MEGF11: variants seen among roughly 807,000 people sequenced by gnomAD.
The protein encoded by MEGF11 is multiple epidermal growth factor-like domains protein 11.
Under a neutral mutation model 146.6 loss-of-function variants are expected in MEGF11, and 126 were observed. The ratio of observed to expected loss-of-function variants is 0.86; its 90% confidence interval spans 0.74 to 1.00. The LOEUF (loss-of-function observed/expected upper bound fraction) is 1.00. Among genes scored for constraint, MEGF11 ranks in the 50% least tolerant of loss-of-function variants. MEGF11 has a pLI of 0.00. For missense variants in MEGF11, 1,509 were observed against 1,521.2 expected, an observed-to-expected ratio of 0.99 and a Z score of 0.13; for synonymous variants, 532 against 583.4, an observed-to-expected ratio of 0.91 and a Z score of 1.27.
intron 5 of MEGF11, among the ~76,000 whole-genome samples, chr15:66,068,137 T>C (rs755662372): frequency 6.6e-6 from 1 of 152,204 alleles, no homozygotes; most frequent in Non-Finnish European, 1.5e-5. Context: ...AGTCAGCCCA[T>C]ATTAACTCTT....
chr15:65,936,651 C>T (rs144116623), intron 10 of MEGF11, among the ~76,000 whole-genome samples: 50 of 152,252 alleles, frequency 3.3e-4, no homozygotes, highest in Admixed American at 2.6e-4. Flanking sequence ...ATGCCTACAT[C>T]CAGGTATGTT....
intron 1 of MEGF11, among the ~76,000 whole-genome samples, chr15:66,188,125 C>CG (rs1364220877): frequency 6.6e-6 from 1 of 151,904 alleles, no homozygotes; most frequent in Non-Finnish European, 1.5e-5. Flanking sequence ...GTAACACCCC[C>CG]CCATGCCCCA....
chr15:65,936,100 T>A (rs2079775950), intron 10 of MEGF11, among the ~76,000 whole-genome samples: 1 of 152,188 alleles, frequency 6.6e-6, no homozygotes, highest in South Asian at 2.1e-4. Flanking sequence ...GGCATTGATG[T>A]CCACACGTGC....
chr15:66,128,871 G>GA (rs967536861), intron 1 of MEGF11, among the ~76,000 whole-genome samples: 1 of 152,130 alleles, frequency 6.6e-6, no homozygotes, highest in African/African-American at 2.4e-5. Context: ...AGGAGAAAGA[G>GA]AAAAAAGATG....
chr15:66,109,620 G>A (rs1044197277), intron 4 of MEGF11, among the ~76,000 whole-genome samples: 1 of 152,206 alleles, frequency 6.6e-6, no homozygotes, highest in African/African-American at 2.4e-5. Context: ...CACACAGCTA[G>A]CAGAGGAAGT....
intron 16 of MEGF11, 38 bp from the exon 17 acceptor site, chr15:65,916,994 C>A (rs1482462528): frequency 9.6e-6 from 14 of 1,451,072 alleles, no homozygotes; most frequent in Admixed American, 5.3e-5. Flanking sequence ...GAGGGGAAGG[C>A]AGAGAGGGGC....
At chr15:66,114,530 A>C (rs1597097360) in intron 4 of MEGF11, among the ~76,000 whole-genome samples, 1 of 152,250 alleles carries the variant, frequency 6.6e-6, no homozygotes, top group Non-Finnish European at 1.5e-5. Context: ...AGAGCTTCCC[A>C]AAATGCCTCA....
intron 5 of MEGF11, among the ~76,000 whole-genome samples, chr15:66,047,207 G>T (rs2084243663): frequency 6.6e-6 from 1 of 152,310 alleles, no homozygotes; most frequent in East Asian, 1.9e-4. Context: ...CATTTAAAAA[G>T]CTGCTGGGCA....
intron 25 of MEGF11, chr15:65,898,326 A>G: frequency 6.1e-6 from 6 of 985,454 alleles, no homozygotes; most frequent in Non-Finnish European, 7.2e-6. Context: ...TCCTAGAGGT[A>G]GGAGTCTTAC....
intron 1 of MEGF11, among the ~76,000 whole-genome samples, chr15:66,158,290 G>A (rs1298246663): frequency 2.6e-5 from 4 of 152,228 alleles, no homozygotes; most frequent in Admixed American, 6.5e-5. Context: ...CAGGAGCTTC[G>A]TGTGGAAAGC....
At chr15:66,183,438 T>A (rs1221020248) in intron 1 of MEGF11, among the ~76,000 whole-genome samples, 1 of 151,244 alleles carries the variant, frequency 6.6e-6, no homozygotes, top group Admixed American at 6.6e-5. Context: ...AGGTGGAGGT[T>A]GCAGTGAGCC....
At chr15:66,055,434 T>C (rs149363169) in intron 5 of MEGF11, among the ~76,000 whole-genome samples, 1 of 152,376 alleles carries the variant, frequency 6.6e-6, no homozygotes, top group Middle Eastern at 3.4e-3. Flanking sequence ...GTAAATGTCA[T>C]GTACAAGGAG....
intron 5 of MEGF11, among the ~76,000 whole-genome samples, chr15:66,054,511 C>T (rs1454029856): frequency 6.6e-6 from 1 of 152,204 alleles, no homozygotes; most frequent in Non-Finnish European, 1.5e-5. Context: ...GGCTTCTTCA[C>T]TTGGCAAACT....
Position 66,029,211 on chromosome 15 carries a change from A to T in MEGF11, c.395-46723T>A, listed in dbSNP as rs563343162. ...CTGGGTACTTTTGGGGAGAGGTTAG[A>T]TTTTCTCAGAAGCCCATGCTACCCT... On this transcript the variant is annotated intron_variant, in intron 5 of 25. Transcript: ENST00000395614. Among the ~76,000 whole-genome samples, 317 of 151,382 alleles carry T rather than the reference A, an allele frequency of 2.1e-3. 1 individual carries two copies. The highest frequency in any genetic ancestry group is 7.4e-3 in the African/African-American group (304 of 41,172).
At chr15:66,162,447 A>G (rs2089978119) in intron 1 of MEGF11, among the ~76,000 whole-genome samples, 1 of 152,216 alleles carries the variant, frequency 6.6e-6, no homozygotes, top group Non-Finnish European at 1.5e-5. Flanking sequence ...TGCTTTAGGA[A>G]TATTATGCAG....
Position 65,916,190 on chromosome 15 carries a change from A to G in MEGF11, c.2302T>C (p.Cys768Arg). 6.3e-7 allele frequency: 1 copy of G among 1,583,794 alleles called. No individual in the cohort carries two copies. Among genetic ancestry groups the G allele is most frequent in the South Asian group, 1.2e-5 (1 of 86,252 alleles). Residue 768 changes from cysteine (C) to arginine (R), a missense_variant, in exon 18 of 26, where the codon TGC (cysteine) becomes CGC (arginine). Coordinates refer to ENST00000395614, the MANE Select transcript of MEGF11 (RefSeq NM_001385028.1). ...GASCDHISGK[C>R]TCRTGFTGQH... ...CCGGTGAAGCCTGTGCGGCAGGTGC[A>G]CTTGCCACTGATGTGGTCACAGCTG... is the stretch of plus-strand genomic sequence containing the variant.
At chr15:66,169,440 G>A (rs1194541811) in intron 1 of MEGF11, among the ~76,000 whole-genome samples, 1 of 152,250 alleles carries the variant, frequency 6.6e-6, no homozygotes, top group Admixed American at 6.5e-5. Flanking sequence ...CTCAGTGAGG[G>A]AGAACAGAGT....
rs763281549 is a variant in MEGF11, at chr15:65,970,664, G to A, written c.788C>T (p.Pro263Leu). 8.7e-6 allele frequency: 14 copies of A among 1,611,694 alleles called. No individual in the cohort carries two copies. The highest frequency in any genetic ancestry group is 1.2e-5 in the Non-Finnish European group (14 of 1,178,816). Reference protein sequence around the residue: ...WTGAVCAQPCPPGTFGQNCSQ... With the variant: ...WTGAVCAQPCLPGTFGQNCSQ... ...GCAGTTCTGGCCAAATGTCCCTGGT[G>A]GGCAGGGCTGGGCACACACTGCTCC... The change falls in exon 8 of 26, where the codon CCA becomes CTA. Residue 263 changes from proline to leucine, a missense_variant. Coordinates refer to ENST00000395614, the MANE Select transcript of MEGF11 (RefSeq NM_001385028.1).
intron 19 of MEGF11, 101 bp from the exon 20 acceptor site, chr15:65,914,074 A>T (rs2078910864): frequency 1.2e-5 from 11 of 891,814 alleles, no homozygotes; most frequent in Non-Finnish European, 1.9e-5. Flanking sequence ...ATGTTAGGAG[A>T]TCTGGTTCTG....
Sources: gnomAD v4.1 joint callset for allele counts (sites outside exome capture counted in the v4.1 genomes callset) on GRCh38, gnomAD v4.1.1 for gene constraint, MANE v1.5 for transcripts, NCBI Gene and HGNC (gene_info 2026-07-23, HGNC 2026-07-21) for gene names.